Variants in DHRS4L2 observed in about 807,000 individuals in gnomAD.
The protein encoded by DHRS4L2 is dehydrogenase/reductase 4 like 2, also known as dehydrogenase/reductase SDR family member 4-like 2.
Under a neutral mutation model 23.9 loss-of-function variants are expected in DHRS4L2, and 22 were observed. That is an observed-to-expected ratio of 0.92 (90% CI 0.66 to 1.31). The LOEUF (loss-of-function observed/expected upper bound fraction) is 1.31. Among genes scored for constraint, DHRS4L2 ranks in the 40% most tolerant of loss-of-function variants. The pLI is 0.00. For synonymous variants in DHRS4L2, 141 were observed against 123.7 expected (o/e 1.14, Z -0.93); for missense variants, 385 against 303.3 (o/e 1.27, Z -2.00).
At chr14:24,004,191 C>G in intron 6 of DHRS4L2, 146 bp from the exon 7 acceptor site, 1 of 945,220 alleles carries the variant, frequency 1.1e-6, no homozygotes, top group South Asian at 1.9e-5. Context: ...AATGGCATAA[C>G]CCGGGAGGCG....
chr14:23,988,965 G>A lies in DHRS4L2; in HGVS notation c.18G>A (p.Leu6=), dbSNP rs1231888943. 1.1e-5 allele frequency: 17 copies of A among 1,612,210 alleles called. 1 individual carries two copies. Among genetic ancestry groups the A allele is most frequent in the Middle Eastern group, 3.3e-4 (2 of 6,058 alleles). ...TCTGATCCATGCAGATGGCCAGGCT[G>A]CTAGGCCTCTGTGCCTGGGCACGGA... is the stretch of plus-strand genomic sequence containing the variant. MQMAR[L]LGLCAWARKS... The change falls in exon 1 of 8, where the codon CTG becomes CTA. Residue 6 remains leucine (L), a synonymous_variant. Coordinates refer to ENST00000335125, the MANE Select transcript of DHRS4L2 (RefSeq NM_198083.4).
chr14:23,983,427 T>G (rs892272323), intron 1 of DHRS4L2, among the ~76,000 whole-genome samples: 1 of 151,708 alleles, frequency 6.6e-6, no homozygotes, highest in Admixed American at 6.6e-5. Flanking sequence ...TTTTACACTG[T>G]TGGTGGTAGT....
At chr14:24,004,730 T>C in intron 7 of DHRS4L2, 1 of 402,050 alleles carries the variant, frequency 2.5e-6, no homozygotes, top group South Asian at 2.4e-5. Flanking sequence ...TCCCCTTGAA[T>C]AATGACACAT....
intron 1 of DHRS4L2, among the ~76,000 whole-genome samples, chr14:23,982,748 C>A (rs1465031341): frequency 6.6e-6 from 1 of 150,904 alleles, no homozygotes; most frequent in South Asian, 2.1e-4. Flanking sequence ...GCTGGCTAGC[C>A]GTAGGCAGAA....
At chr14:23,981,141 G>C (rs6573506) in intron 1 of DHRS4L2, among the ~76,000 whole-genome samples, 72,524 of 150,566 alleles carry the variant, frequency 0.48, 17,824 homozygotes, top group East Asian at 0.7. Flanking sequence ...GCAAAAATCA[G>C]AAGCATTCCT....
intron 1 of DHRS4L2, 104 bp from the exon 2 acceptor site, chr14:23,990,075 GAGA>G: frequency 6.5e-7 from 1 of 1,533,140 alleles, no homozygotes; most frequent in South Asian, 1.2e-5. Flanking sequence ...GAGTTATATA[GAGA>G]AAGAGCCAGA....
At chr14:24,003,926 C>A (rs1322064082) in intron 6 of DHRS4L2, among the ~76,000 whole-genome samples, 2 of 81,214 alleles carry the variant, frequency 2.5e-5, no homozygotes, top group Non-Finnish European at 3.9e-5. Flanking sequence ...ATGTCGTCTG[C>A]AAACAGGGAC....
chr14:23,990,236 C>T lies in DHRS4L2; in HGVS notation c.183C>T (p.Val61=), dbSNP rs2034240248. The change falls in exon 2 of 8, where the codon GTC becomes GTT. Residue 61 remains valine (V), a synonymous_variant. Transcript: ENST00000335125. ...RLAQDRAHVV[V]SSRKQQNVDQ... ...CCCAGGACAGGGCCCACGTGGTCGT[C>T]AGCAGCCGGAAGCAGCAGAATGTGG... is the stretch of plus-strand genomic sequence containing the variant. 1 of 1,612,752 alleles carries T rather than the reference C, an allele frequency of 6.2e-7. No homozygotes were observed. Among genetic ancestry groups the T allele is most frequent in the African/African-American group, 1.3e-5 (1 of 74,858 alleles).
At chr14:23,982,776 T>G (rs1258423141) in intron 1 of DHRS4L2, among the ~76,000 whole-genome samples, 2 of 151,618 alleles carry the variant, frequency 1.3e-5, no homozygotes, top group African/African-American at 4.8e-5. Context: ...ACTGGACCCC[T>G]TCCTTACACC....
At chr14:23,978,294 T>C (rs952112661) in intron 1 of DHRS4L2, among the ~76,000 whole-genome samples, 8 of 148,922 alleles carry the variant, frequency 5.4e-5, no homozygotes, top group Admixed American at 2.7e-4. Context: ...AGTAGGAGAC[T>C]AGCTAAATAA....
rs11556284 is a variant in DHRS4L2 at position 23,995,115 on chromosome 14, C to T, written c.390C>T (p.Thr130=). The T allele has an allele frequency of 2.7e-3, 4,225 of 1,591,604 alleles. 68 individuals carry two copies. Among genetic ancestry groups the T allele is most frequent in the African/African-American group, 0.023 (1,718 of 73,652 alleles). The part of the protein sequence containing the change: ...NPFFGSLMDV[T]EEVWDKTLDI... ...TCTTTGGAAGCCTAATGGATGTCAC[C>T]GAGGAGGTGTGGGACAAGGTGAGAG... is the stretch of plus-strand genomic sequence containing the variant. Residue 130 remains threonine, a synonymous_variant, in exon 3 of 8, where the codon ACC becomes ACT. Transcript: ENST00000335125.
At position 23,989,033 on chromosome 14, in the gene DHRS4L2, C is replaced by G. The variant is rs1405754026; in HGVS notation, c.86C>G (p.Pro29Arg). The change falls in exon 1 of 8, where the codon CCG becomes CGG. Residue 29 changes from proline to arginine, a missense_variant. By Grantham distance (103) the Pro-to-Arg change is moderately radical. Coordinates refer to ENST00000335125, the MANE Select transcript of DHRS4L2 (RefSeq NM_198083.4). ...MASSRMTRRD[P>R]LTNKVALVTA... ...AGCTCCAGGATGACCCGCCGGGACC[C>G]GCTCACAAATAAGGTGGCCCTGGTA... 1.2e-6 allele frequency: 2 copies of G among 1,602,092 alleles called. No individual in the cohort carries two copies. Among genetic ancestry groups the G allele is most frequent in the Non-Finnish European group, 1.7e-6 (2 of 1,174,520 alleles).
intron 1 of DHRS4L2, among the ~76,000 whole-genome samples, 163 bp from the exon 2 acceptor site, chr14:23,990,019 A>G (rs998384728): frequency 6.6e-6 from 1 of 151,868 alleles, no homozygotes; most frequent in Non-Finnish European, 1.5e-5. Context: ...AGTGCTAAAA[A>G]TGGCCATGCC....
At chr14:23,975,578 T>C (rs2033950163) in intron 1 of DHRS4L2, among the ~76,000 whole-genome samples, 1 of 151,704 alleles carries the variant, frequency 6.6e-6, no homozygotes, top group African/African-American at 2.4e-5. Flanking sequence ...TGGAAAAAAC[T>C]ACTTTAAATT....
At chr14:23,993,936 C>A (rs1281673968) in intron 2 of DHRS4L2, among the ~76,000 whole-genome samples, 2 of 151,674 alleles carry the variant, frequency 1.3e-5, no homozygotes, top group Non-Finnish European at 2.9e-5. Context: ...CCACTACTGA[C>A]TAGCTTTGTG....
chr14:23,994,643 ATGCCACTG>A (rs538551714), intron 2 of DHRS4L2, among the ~76,000 whole-genome samples: 289 of 151,814 alleles, frequency 1.9e-3, no homozygotes, highest in Middle Eastern at 3.4e-3. Context: ...AGCTGAGAAC[ATGCCACTG>A]TGCTCCAGTC....
At chr14:23,971,369 T>C (rs967753978) in intron 1 of DHRS4L2, among the ~76,000 whole-genome samples, 3 of 152,028 alleles carry the variant, frequency 2.0e-5, no homozygotes, top group Admixed American at 6.6e-5. Context: ...CAAGCTTCAA[T>C]AGCTGATTCA....
At chr14:23,996,636 C>T (rs189830711) in intron 3 of DHRS4L2, among the ~76,000 whole-genome samples, 182 of 149,284 alleles carry the variant, frequency 1.2e-3, no homozygotes, top group African/African-American at 3.6e-3. Flanking sequence ...CAGACTCTTG[C>T]TCTGTCTTTT....
chr14:23,977,044 G>T (rs2033980728), intron 1 of DHRS4L2, among the ~76,000 whole-genome samples: 1 of 151,738 alleles, frequency 6.6e-6, no homozygotes, highest in South Asian at 2.1e-4. Flanking sequence ...CCTGATACAT[G>T]TATACCTATG....
Sources: gnomAD v4.1 joint callset for allele counts (sites outside exome capture counted in the v4.1 genomes callset) on GRCh38, gnomAD v4.1.1 for gene constraint, MANE v1.5 for transcripts, NCBI Gene and HGNC (gene_info 2026-07-23, HGNC 2026-07-21) for gene names.